The following WWP2 variants were observed in gnomAD, a reference collection of about 807,000 sequenced individuals.
WWP2 encodes the protein WW domain containing E3 ubiquitin protein ligase 2, also known as NEDD4-like E3 ubiquitin-protein ligase WWP2.
Under a neutral mutation model 121.0 loss-of-function variants are expected in WWP2, and 57 were observed. That is an observed-to-expected ratio of 0.47 (90% confidence interval 0.38 to 0.59). The LOEUF is 0.59. WWP2 is among the 20% of genes least tolerant of loss of function. The probability of loss-of-function intolerance (pLI) is 0.00; values close to 1 mark genes in which losing one functional copy is unlikely to be tolerated. For synonymous variants in WWP2, 449 were observed against 441.3 expected (o/e 1.02, Z -0.22); for missense variants, 962 against 1,158.9 (o/e 0.83, Z 2.47).
At chr16:69,865,131 C>T (rs1331516979) in intron 6 of WWP2, among the ~76,000 whole-genome samples, 1 of 151,792 alleles carries the variant, frequency 6.6e-6, no homozygotes, top group Non-Finnish European at 1.5e-5. Flanking sequence ...CTCACTGTAA[C>T]CTCCACCTCC....
Position 69,939,955 on chromosome 16 carries a change from C to G in WWP2, c.*15C>G. ...GACAGGAGTAACCGAGGCCGCCCCT[C>G]CCACGCCCCCCAGCGCACATGTAGT... On this transcript the variant is annotated 3_prime_UTR_variant, in exon 24 of 24. Coordinates refer to ENST00000359154, the MANE Select transcript of WWP2 (RefSeq NM_001270454.2). The G allele has an allele frequency of 6.2e-7, 1 of 1,604,688 alleles. No individual in the cohort carries two copies. Among genetic ancestry groups the G allele is most frequent in the East Asian group, 2.2e-5 (1 of 44,762 alleles).
chr16:69,924,983 A>AT (rs2058618502), intron 10 of WWP2: 2 of 988,938 alleles, frequency 2.0e-6, no homozygotes, highest in African/African-American at 1.7e-5. Flanking sequence ...GGCCTGCGAT[A>AT]TTTTTTCCCC....
chr16:69,810,769 T>C (rs1178507244), intron 4 of WWP2, among the ~76,000 whole-genome samples: 1 of 150,788 alleles, frequency 6.6e-6, no homozygotes, highest in African/African-American at 2.4e-5. Flanking sequence ...TTTTTTTTTT[T>C]TTTGAGACGG....
intron 7 of WWP2, among the ~76,000 whole-genome samples, chr16:69,883,400 G>GCACACACACACA (rs59771717): frequency 6.9e-5 from 10 of 145,972 alleles, no homozygotes; most frequent in East Asian, 2.0e-4. Flanking sequence ...AAGAATGTGC[G>GCACACACACACA]CACACACACA....
intron 4 of WWP2, among the ~76,000 whole-genome samples, chr16:69,815,362 C>G (rs529284379): frequency 6.6e-6 from 1 of 152,188 alleles, no homozygotes; most frequent in South Asian, 2.1e-4. Flanking sequence ...GGCTAGGGTA[C>G]AGTGGCTCGA....
intron 1 of WWP2, among the ~76,000 whole-genome samples, chr16:69,766,177 G>T (rs2038725096): frequency 6.6e-6 from 1 of 152,064 alleles, no homozygotes; most frequent in Admixed American, 6.6e-5. Context: ...CATTCCTCCA[G>T]TTGTTCAAGC....
At chr16:69,798,892 G>A (rs2056104640) in intron 3 of WWP2, 63 bp downstream of exon 3, 1 of 1,589,592 alleles carries the variant, frequency 6.3e-7, no homozygotes, top group Non-Finnish European at 8.5e-7. Context: ...GTGCTCCGAG[G>A]GGGTTGTGGG....
intron 6 of WWP2, among the ~76,000 whole-genome samples, chr16:69,851,261 ACG>A (rs2057207693): frequency 6.6e-6 from 1 of 151,616 alleles, no homozygotes; most frequent in Non-Finnish European, 1.5e-5. Flanking sequence ...CAAGTGATCC[ACG>A]TGCCTTGGCC....
chr16:69,892,555 A>G (rs774550126), intron 8 of WWP2, among the ~76,000 whole-genome samples: 20 of 152,052 alleles, frequency 1.3e-4, no homozygotes, highest in Non-Finnish European at 2.2e-4. Context: ...TTTTTTTGAG[A>G]CATTGTCTTA....
intron 1 of WWP2, among the ~76,000 whole-genome samples, chr16:69,770,053 G>A (rs911069779): frequency 6.6e-6 from 1 of 152,072 alleles, no homozygotes; most frequent in Non-Finnish European, 1.5e-5. Flanking sequence ...GTAGAGATGG[G>A]ATTTCGCCGT....
intron 8 of WWP2, 53 bp downstream of exon 8, chr16:69,888,302 C>T (rs890543001): frequency 6.4e-7 from 1 of 1,559,062 alleles, no homozygotes; most frequent in South Asian, 1.2e-5. Flanking sequence ...GACTGAGGCT[C>T]CTTTACGGGG....
intron 3 of WWP2, 41 bp downstream of exon 3, chr16:69,798,870 G>T (rs1349465685): frequency 1.9e-6 from 3 of 1,607,386 alleles, no homozygotes; most frequent in Non-Finnish European, 2.5e-6. Context: ...GCAAGATGGG[G>T]AAAGAGAGAG....
chr16:69,930,866 C>T (rs1304984398), intron 13 of WWP2, among the ~76,000 whole-genome samples: 3 of 152,102 alleles, frequency 2.0e-5, no homozygotes, highest in Admixed American at 6.5e-5. Flanking sequence ...AGCAAGACCC[C>T]GTCTCTAGAA....
chr16:69,868,509 G>A (rs1282633643), intron 6 of WWP2, among the ~76,000 whole-genome samples: 2 of 152,132 alleles, frequency 1.3e-5, no homozygotes, highest in African/African-American at 2.4e-5. Flanking sequence ...TGCAGGTCCT[G>A]CAGCTCCCTG....
chr16:69,799,029 G>C lies in WWP2; in HGVS notation c.219-145G>C. 2.2e-6 allele frequency: 3 copies of C among 1,384,430 alleles called. No individual in the cohort carries two copies. Among genetic ancestry groups the C allele is most frequent in the Non-Finnish European group, 2.0e-6 (2 of 1,021,092 alleles). The allele number at this position is 1,384,430 out of a possible 1,614,324, so 85.8% of individuals were successfully genotyped here. On this transcript the variant is annotated intron_variant, in intron 3 of 23. Coordinates refer to ENST00000359154, the MANE Select transcript of WWP2 (RefSeq NM_001270454.2). This position sits in a 1 kb window ranked among gnomAD's most constrained non-coding sequence, Gnocchi z 4.5. ...TATTATCTAGAGGGTTACAGGGTCA[G>C]CTTTGAGAGGGGAAAGGATATATGT...
At chr16:69,889,044 C>T (rs1159982289) in intron 8 of WWP2, among the ~76,000 whole-genome samples, 1 of 152,204 alleles carries the variant, frequency 6.6e-6, no homozygotes, top group African/African-American at 2.4e-5. Context: ...GGCGTGGTGG[C>T]TCACGTGCCA....
At chr16:69,834,172 C>T (rs2056836675) in intron 4 of WWP2, among the ~76,000 whole-genome samples, 1 of 152,210 alleles carries the variant, frequency 6.6e-6, no homozygotes, top group Non-Finnish European at 1.5e-5. Context: ...GACCTTGTCC[C>T]AAGGCCTGAC....
intron 6 of WWP2, among the ~76,000 whole-genome samples, chr16:69,864,166 G>A (rs376631814): frequency 2.0e-4 from 30 of 152,170 alleles, no homozygotes; most frequent in Non-Finnish European, 3.4e-4. Flanking sequence ...TCAGGAGTTC[G>A]ATATCAGCCT....
chr16:69,771,799 A>C (rs1028392529), intron 1 of WWP2, among the ~76,000 whole-genome samples: 2 of 152,060 alleles, frequency 1.3e-5, no homozygotes, highest in Non-Finnish European at 2.9e-5. Context: ...AAGTGCGGGA[A>C]GGTGAGTTGG....
Sources: gnomAD v4.1 joint callset for allele counts (sites outside exome capture counted in the v4.1 genomes callset) on GRCh38, gnomAD v4.1.1 for gene constraint, Gnocchi (gnomAD v3.1) non-coding constraint, MANE v1.5 for transcripts, NCBI Gene and HGNC (gene_info 2026-07-23, HGNC 2026-07-21) for gene names.